The following ADAMTSL3 variants were observed in gnomAD, a reference collection of about 807,000 sequenced individuals.
The protein encoded by ADAMTSL3 is ADAMTS like 3.
Under a neutral mutation model 201.7 loss-of-function variants are expected in ADAMTSL3, and 128 were observed. The observed-to-expected ratio is 0.63, with a 90% confidence interval of 0.55 to 0.73. ADAMTSL3 has a LOEUF of 0.73. Ranked by LOEUF, ADAMTSL3 falls within the 30% of genes least tolerant of loss-of-function variation. The pLI is 0.00. For missense variants in ADAMTSL3, 1,990 were observed against 2,119.6 expected (o/e 0.94, Z 1.20); for synonymous variants, 738 against 748.4 (o/e 0.99, Z 0.23).
intron 13 of ADAMTSL3, among the ~76,000 whole-genome samples, chr15:83,895,152 G>A (rs186389110): frequency 1.2e-4 from 19 of 152,274 alleles, no homozygotes; most frequent in African/African-American, 4.1e-4. Flanking sequence ...CTTGAGTTAC[G>A]TGCCAGAATT....
chr15:83,674,770 T>TATACACAC (rs1468370330), intron 2 of ADAMTSL3, among the ~76,000 whole-genome samples: 1 of 122,444 alleles, frequency 8.2e-6, no homozygotes, highest in Non-Finnish European at 1.6e-5. Context: ...TATATACATA[T>TATACACAC]ATATATATAT....
intron 4 of ADAMTSL3, among the ~76,000 whole-genome samples, chr15:83,778,245 C>G (rs978948615): frequency 6.6e-6 from 1 of 152,086 alleles, no homozygotes; most frequent in Non-Finnish European, 1.5e-5. Flanking sequence ...ACTAGCTAGA[C>G]AGGCCAACAT....
chr15:83,921,664 T>C (rs1480825), intron 16 of ADAMTSL3, among the ~76,000 whole-genome samples: 8 of 152,180 alleles, frequency 5.3e-5, no homozygotes, highest in Non-Finnish European at 1.2e-4. Flanking sequence ...TAAATATTAA[T>C]TTATTTCTTG....
chr15:83,972,144 T>C (rs1013719543), intron 20 of ADAMTSL3, among the ~76,000 whole-genome samples: 11 of 152,090 alleles, frequency 7.2e-5, no homozygotes, highest in African/African-American at 1.9e-4. Flanking sequence ...ACCCAAGCCA[T>C]AGAAAAGGCA....
rs188593538 is a variant in ADAMTSL3, at chr15:83,829,735, C to T, written c.601-8354C>T. Among the ~76,000 whole-genome samples the T allele has an allele frequency of 6.6e-3, 1,010 of 152,246 alleles. 7 individuals are homozygous for T. Among genetic ancestry groups the T allele is most frequent in the African/African-American group, 0.023 (937 of 41,534 alleles). ...GATTCTGGTATGTTGTGTCTTTGTT[C>T]TCATAGGTTTCAAAGAACATCTTTA... On this transcript the variant is annotated intron_variant, in intron 6 of 29. Coordinates refer to ENST00000286744, the MANE Select transcript of ADAMTSL3 (RefSeq NM_207517.3).
At chr15:83,765,429 T>C (rs1435791785) in intron 3 of ADAMTSL3, among the ~76,000 whole-genome samples, 1 of 152,226 alleles carries the variant, frequency 6.6e-6, no homozygotes, top group African/African-American at 2.4e-5. Flanking sequence ...GTTTTTAATA[T>C]GGAGCTGTTA....
At position 83,885,153 on chromosome 15, in the gene ADAMTSL3, CCATCAGT is replaced by C; in HGVS notation, c.1021_1027del (p.His341GlyfsTer11). On this transcript the variant is annotated frameshift_variant, in exon 10 of 30. Transcript: ENST00000286744. LOFTEE classifies it high-confidence loss of function. ...GTGGTTCAGTTCTTCTTTTACCAGC[CCATCAGT>C]CATCAGTGGAGACAAACTGACTTCT... The C allele has an allele frequency of 2.5e-6, 4 of 1,614,118 alleles. No homozygotes were observed. Among genetic ancestry groups the C allele is most frequent in the Non-Finnish European group, 2.5e-6 (3 of 1,180,010 alleles).
At chr15:83,800,130 A>G (rs1379685540) in intron 4 of ADAMTSL3, among the ~76,000 whole-genome samples, 1 of 149,558 alleles carries the variant, frequency 6.7e-6, no homozygotes, top group Non-Finnish European at 1.5e-5. Flanking sequence ...AAAAATAAAA[A>G]CGTTGCTACT....
In ADAMTSL3 at chr15:83,655,836, G is replaced by A. The variant is rs750684565; in HGVS notation, c.69+6G>A. 2 of 1,613,468 alleles carry A rather than the reference G, an allele frequency of 1.2e-6. No homozygotes were observed. The highest frequency in any genetic ancestry group is 3.3e-5 in the Admixed American group (2 of 59,994). On this transcript the variant is annotated splice_donor_region_variant and intron_variant, in intron 2 of 29. Coordinates refer to ENST00000286744, the MANE Select transcript of ADAMTSL3 (RefSeq NM_207517.3). Reference sequence around the variant, plus strand: ...TGCACTCTCCCCTCCCGCAGGTAAGGTCATATAGGGAGGGGAAGGGAAATG... The same window carrying A: ...TGCACTCTCCCCTCCCGCAGGTAAGATCATATAGGGAGGGGAAGGGAAATG...
At chr15:83,944,127 T>C (rs1397391552) in intron 19 of ADAMTSL3, among the ~76,000 whole-genome samples, 1 of 152,196 alleles carries the variant, frequency 6.6e-6, no homozygotes, top group East Asian at 1.9e-4. Flanking sequence ...TGTTTATTTC[T>C]GGAATGTTCT....
intron 8 of ADAMTSL3, among the ~76,000 whole-genome samples, chr15:83,864,630 ATC>A (rs2064936534): frequency 6.6e-6 from 1 of 152,210 alleles, no homozygotes; most frequent in African/African-American, 2.4e-5. Context: ...AATAAGAGCT[ATC>A]TATGACAAAC....
At chr15:83,743,536 A>G (rs1390701305) in intron 3 of ADAMTSL3, among the ~76,000 whole-genome samples, 9 of 151,388 alleles carry the variant, frequency 5.9e-5, no homozygotes, top group Admixed American at 5.9e-4. Context: ...AAAAAAAAAA[A>G]AAAAAAGTGT....
chr15:83,913,324 A>G lies in ADAMTSL3; in HGVS notation c.1933A>G (p.Thr645Ala), dbSNP rs556114732. Residue 645 changes from threonine to alanine, a missense_variant, in exon 16 of 30, where the codon ACT (threonine) becomes GCT (alanine). Thr to Ala is a moderately conservative substitution (Grantham distance 58). Transcript: ENST00000286744. ...CCCTCTCCCTGAGGACAGTGAGACG[A>G]CTTACGACTGGGAGTACGCTGGGTT... ...DIPLPEDSET[T>A]YDWEYAGFTP... The G allele has an allele frequency of 5.0e-5, 81 of 1,613,774 alleles. No individual in the cohort carries two copies. The South Asian group carries it at 8.8e-4, about 18-fold the overall frequency.
Position 83,730,622 on chromosome 15 carries a change from AT to A in ADAMTSL3, c.189+26125del, listed in dbSNP as rs11376499. On this transcript the variant is annotated intron_variant, in intron 3 of 29. Coordinates refer to ENST00000286744, the MANE Select transcript of ADAMTSL3 (RefSeq NM_207517.3). ...ATGGTTAGGAGCATTTAGAATCATA[AT>A]TTTTTTTTTTGCTTTTCAGTTGTGT... is the stretch of plus-strand genomic sequence containing the variant. 2.3e-4 allele frequency among the ~76,000 whole-genome samples: 34 copies of A among 149,558 alleles called. No individual in the cohort carries two copies. In the South Asian group the frequency reaches 3.2e-3, roughly 14 times the overall value.
intron 6 of ADAMTSL3, among the ~76,000 whole-genome samples, chr15:83,828,151 A>G (rs967241987): frequency 3.9e-5 from 6 of 152,148 alleles, no homozygotes; most frequent in Non-Finnish European, 5.9e-5. Flanking sequence ...GATTCTTCCT[A>G]TCCATGAGCA....
At chr15:83,665,836 T>A (rs983214518) in intron 2 of ADAMTSL3, among the ~76,000 whole-genome samples, 1 of 152,204 alleles carries the variant, frequency 6.6e-6, no homozygotes. Context: ...GTCCAAGCCT[T>A]CATTTACAAA....
intron 3 of ADAMTSL3, among the ~76,000 whole-genome samples, chr15:83,741,663 A>G (rs769969266): frequency 5.9e-5 from 9 of 152,202 alleles, no homozygotes; most frequent in Admixed American, 2.6e-4. Flanking sequence ...CTCAAAAACC[A>G]TTGGAACTAT....
chr15:83,732,425 G>A (rs1021925809), intron 3 of ADAMTSL3, among the ~76,000 whole-genome samples: 3 of 152,022 alleles, frequency 2.0e-5, no homozygotes, highest in African/African-American at 7.2e-5. Flanking sequence ...TGCTTCCTTT[G>A]TCAGTTCAAA....
intron 15 of ADAMTSL3, among the ~76,000 whole-genome samples, chr15:83,908,504 C>T (rs2065879508): frequency 6.6e-6 from 1 of 152,146 alleles, no homozygotes; most frequent in Non-Finnish European, 1.5e-5. Flanking sequence ...TCTTATTTTA[C>T]AGAAAATTAT....
Sources: gnomAD v4.1 joint callset for allele counts (sites outside exome capture counted in the v4.1 genomes callset) on GRCh38, gnomAD v4.1.1 for gene constraint, MANE v1.5 for transcripts, NCBI Gene and HGNC (gene_info 2026-07-23, HGNC 2026-07-21) for gene names.